SLC23A2: variants seen among roughly 807,000 people sequenced by gnomAD.
SLC23A2 encodes solute carrier family 23 member 2.
SLC23A2 carries 36 observed loss-of-function variants against 73.3 expected under a neutral mutation model. The ratio of observed to expected loss-of-function variants is 0.49; its 90% CI spans 0.38 to 0.65. SLC23A2 has a LOEUF of 0.65. Among genes scored for constraint, SLC23A2 ranks in the 30% least tolerant of loss-of-function variants. The pLI is 0.00. For missense variants in SLC23A2, 507 were observed against 841.6 expected (o/e 0.60, Z 4.92); for synonymous variants, 343 against 327.3 (o/e 1.05, Z -0.52).
At chr20:4,957,911 A>C (rs1356471733) in intron 2 of SLC23A2, among the ~76,000 whole-genome samples, 1 of 152,066 alleles carries the variant, frequency 6.6e-6, no homozygotes, top group Non-Finnish European at 1.5e-5. Context: ...AAAAAAAAAA[A>C]AAAAAAACTT....
At position 4,872,314 on chromosome 20, in the gene SLC23A2, G is replaced by T. The variant is rs1366146324; in HGVS notation, c.1102+1622C>A. ...CTATATCCCTGGAGGTGGCTTTCTA[G>T]CTATGGAGCTCTGGTACCCCACCAG... On this transcript the variant is annotated intron_variant, in intron 11 of 16. Coordinates refer to ENST00000338244, the MANE Select transcript of SLC23A2 (RefSeq NM_005116.6). This position sits in a 1 kb window ranked among gnomAD's most constrained non-coding sequence, Gnocchi z 4.4. 6.8e-6 allele frequency among the ~76,000 whole-genome samples: 1 copy of T among 147,746 alleles called. No homozygotes were observed.
intron 9 of SLC23A2, among the ~76,000 whole-genome samples, chr20:4,877,005 T>C (rs1047406693): frequency 6.6e-6 from 1 of 151,762 alleles, no homozygotes; most frequent in Non-Finnish European, 1.5e-5. Context: ...AGCATTCTGT[T>C]TTATGGACAT....
chr20:5,009,461 T>C (rs947805983), intron 1 of SLC23A2, among the ~76,000 whole-genome samples: 1 of 152,170 alleles, frequency 6.6e-6, no homozygotes, highest in Non-Finnish European at 1.5e-5. Flanking sequence ...TCACAGCATT[T>C]AGAAAGAAAT....
chr20:4,966,539 C>A lies in SLC23A2; in HGVS notation c.-155+4254G>T, dbSNP rs1476994185. ...GTTGCTATGAAAATAAAAAAGAATG[C>A]AAATATCTCATTAATAACTTTATAT... is the stretch of plus-strand genomic sequence containing the variant. On this transcript the variant is annotated intron_variant, in intron 2 of 16. Transcript: ENST00000338244. 5.9e-5 allele frequency among the ~76,000 whole-genome samples: 9 copies of A among 152,164 alleles called. 1 individual carries two copies. In the Middle Eastern group the frequency reaches 0.01, roughly 173 times the overall value.
chr20:4,856,024 A>G lies in SLC23A2; in HGVS notation c.*948T>C, dbSNP rs1179017663. ...GATGCAAGGAAAGAGGGTCACATGG[A>G]AAACACTGATTTCCAAAATCTGCTA... On this transcript the variant is annotated 3_prime_UTR_variant, in exon 17 of 17. Coordinates refer to ENST00000338244, the MANE Select transcript of SLC23A2 (RefSeq NM_005116.6). The surrounding 1 kb of genome is among the most constrained non-coding windows in gnomAD (Gnocchi z 4.6). The G allele has an allele frequency of 6.6e-6, 1 of 152,628 alleles. No individual in the cohort carries two copies. Among genetic ancestry groups the G allele is most frequent in the Non-Finnish European group, 1.5e-5 (1 of 68,040 alleles). 9.5% of individuals were successfully genotyped at this position (152,628 alleles called of 1,614,324 possible).
intron 2 of SLC23A2, among the ~76,000 whole-genome samples, chr20:4,944,329 T>C (rs942013990): frequency 1.3e-5 from 2 of 152,094 alleles, no homozygotes; most frequent in African/African-American, 2.4e-5. Flanking sequence ...AACCTCCACC[T>C]CCCGGGTTCA....
chr20:4,977,319 G>T (rs2122248034), intron 1 of SLC23A2, among the ~76,000 whole-genome samples: 1 of 152,192 alleles, frequency 6.6e-6, no homozygotes, highest in South Asian at 2.1e-4. Context: ...GATGTAGGTG[G>T]TGTCCTATTT....
At chr20:5,003,515 CTT>C (rs113174756), upstream of SLC23A2, among the ~76,000 whole-genome samples, 7 of 144,142 alleles carry the variant, frequency 4.9e-5, no homozygotes, top group Non-Finnish European at 4.6e-5. Flanking sequence ...TCCAGCCAAC[CTT>C]TTTTTTTTTT....
At position 4,863,428 on chromosome 20, in the gene SLC23A2, T is replaced by C. The variant is rs1036478566; in HGVS notation, c.1357-521A>G. Among the ~76,000 whole-genome samples, 6 of 152,228 alleles carry C rather than the reference T, an allele frequency of 3.9e-5. No individual in the cohort carries two copies. Among genetic ancestry groups the C allele is most frequent in the African/African-American group, 4.8e-5 (2 of 41,454 alleles). ...TTCTCCTGGCCCACGTCTGACTGTATGGTCGGGCCGACCCGTAGCCTCTAG... is the reference window on the plus strand; with the variant it reads ...TTCTCCTGGCCCACGTCTGACTGTACGGTCGGGCCGACCCGTAGCCTCTAG... On this transcript the variant is annotated intron_variant, in intron 13 of 16. Transcript: ENST00000338244. The surrounding 1 kb of genome is among the most constrained non-coding windows in gnomAD (Gnocchi z 4.8).
chr20:5,006,545 C>T (rs1421321688), intron 1 of SLC23A2, among the ~76,000 whole-genome samples: 6 of 136,628 alleles, frequency 4.4e-5, no homozygotes, highest in Admixed American at 3.6e-4. Context: ...CTGTAAAAGC[C>T]ATTTTATTTA....
At chr20:4,922,798 C>T (rs1932538498) in intron 3 of SLC23A2, among the ~76,000 whole-genome samples, 1 of 151,688 alleles carries the variant, frequency 6.6e-6, no homozygotes, top group African/African-American at 2.4e-5. Context: ...CGCCACTGCA[C>T]TCCAGCCTGG....
intron 6 of SLC23A2, among the ~76,000 whole-genome samples, chr20:4,887,202 T>C (rs1463404933): frequency 2.6e-5 from 4 of 152,154 alleles, no homozygotes; most frequent in Non-Finnish European, 5.9e-5. Flanking sequence ...TATAATTACC[T>C]GCCAGAGGGG....
intron 2 of SLC23A2, among the ~76,000 whole-genome samples, chr20:4,937,635 A>G (rs1288221886): frequency 6.6e-6 from 1 of 152,260 alleles, no homozygotes; most frequent in Non-Finnish European, 1.5e-5. Flanking sequence ...TAACTTGCCA[A>G]AGTATACACA....
chr20:4,945,355 G>T (rs1055673941), intron 2 of SLC23A2, among the ~76,000 whole-genome samples: 2 of 152,190 alleles, frequency 1.3e-5, no homozygotes, highest in African/African-American at 2.4e-5. Flanking sequence ...CTGGCACCCA[G>T]GTTGGAGTAC....
At chr20:4,977,441 C>T (rs1045207301) in intron 1 of SLC23A2, among the ~76,000 whole-genome samples, 4 of 151,984 alleles carry the variant, frequency 2.6e-5, no homozygotes, top group African/African-American at 7.2e-5. Context: ...GTACTCCCAG[C>T]ACTTTGGGAG....
At chr20:4,972,315 G>A (rs1369754667) in intron 1 of SLC23A2, among the ~76,000 whole-genome samples, 1 of 150,996 alleles carries the variant, frequency 6.6e-6, no homozygotes, top group African/African-American at 2.4e-5. Flanking sequence ...CCATCAGACT[G>A]GTACCAGTCC....
chr20:4,929,750 A>T (rs1932765031), intron 3 of SLC23A2, among the ~76,000 whole-genome samples: 2 of 152,260 alleles, frequency 1.3e-5, no homozygotes, highest in Non-Finnish European at 2.9e-5. Context: ...ACACAAATAC[A>T]TGACTGTATA....
intron 13 of SLC23A2, among the ~76,000 whole-genome samples, chr20:4,865,456 T>G (rs1434499083): frequency 6.6e-6 from 1 of 152,260 alleles, no homozygotes; most frequent in Admixed American, 6.5e-5. Context: ...GCTACTGTTC[T>G]AGGCACTTGG....
At chr20:4,916,904 G>C (rs1932343493) in intron 3 of SLC23A2, among the ~76,000 whole-genome samples, 1 of 152,134 alleles carries the variant, frequency 6.6e-6, no homozygotes, top group African/African-American at 2.4e-5. Context: ...AGGTAGGCGG[G>C]GTTAAGCTAT....
Sources: allele counts gnomAD v4.1 joint callset (sites outside exome capture counted in the v4.1 genomes callset), GRCh38; gene constraint gnomAD v4.1.1; non-coding constraint Gnocchi (gnomAD v3.1); transcripts MANE v1.5; gene names NCBI Gene and HGNC (gene_info 2026-07-23, HGNC 2026-07-21).